Variants in MYT1L observed in about 807,000 individuals in gnomAD.
The protein encoded by MYT1L is myelin transcription factor 1-like protein.
MYT1L carries 12 observed loss-of-function variants against 126.7 expected under a neutral mutation model. That is an observed-to-expected ratio of 0.09 (90% CI 0.06 to 0.15). The LOEUF (loss-of-function observed/expected upper bound fraction) is 0.15. Ranked by LOEUF, MYT1L falls within the 10% of genes least tolerant of loss-of-function variation. The pLI is 1.00. For synonymous variants in MYT1L, 541 were observed against 604.2 expected, an observed-to-expected ratio of 0.90 and a Z score of 1.53; for missense variants, 979 against 1,585.2, an observed-to-expected ratio of 0.62 and a Z score of 6.49.
chr2:1,909,806 C>T (rs1438068932), intron 13 of MYT1L, among the ~76,000 whole-genome samples: 1 of 152,190 alleles, frequency 6.6e-6, no homozygotes, highest in African/African-American at 2.4e-5. Flanking sequence ...AGCTTCCACA[C>T]GTGTGCACAG....
At chr2:2,119,457 A>G (rs1388062535) in intron 3 of MYT1L, among the ~76,000 whole-genome samples, 1 of 152,242 alleles carries the variant, frequency 6.6e-6, no homozygotes, top group Non-Finnish European at 1.5e-5. Context: ...TAATGAATAT[A>G]TTAAAAATTT....
intron 19 of MYT1L, 124 bp downstream of exon 19, chr2:1,851,517 C>G: frequency 2.3e-6 from 2 of 877,984 alleles, no homozygotes; most frequent in East Asian, 4.8e-5. Context: ...CGCTAAGAGT[C>G]TCTAGATCCT....
chr2:1,949,757 T>C (rs574365355), intron 8 of MYT1L, among the ~76,000 whole-genome samples: 125 of 152,240 alleles, frequency 8.2e-4, no homozygotes, highest in African/African-American at 2.8e-3. Flanking sequence ...GGGTGGGAAG[T>C]GTCCTGTGCG....
chr2:2,136,555 T>A (rs972773921), intron 3 of MYT1L, among the ~76,000 whole-genome samples: 7 of 152,246 alleles, frequency 4.6e-5, no homozygotes, highest in Non-Finnish European at 7.3e-5. Flanking sequence ...CGTCCCAGCC[T>A]GTTAGCAGAG....
chr2:1,970,334 C>A (rs1342130724), intron 8 of MYT1L, among the ~76,000 whole-genome samples: 1 of 152,164 alleles, frequency 6.6e-6, no homozygotes, highest in African/African-American at 2.4e-5. Flanking sequence ...AAGTATTTGC[C>A]GTGAGTGCAG....
intron 3 of MYT1L, among the ~76,000 whole-genome samples, chr2:2,137,526 A>G (rs1447922827): frequency 6.6e-6 from 1 of 152,202 alleles, no homozygotes; most frequent in African/African-American, 2.4e-5. Context: ...AGCCCTCAGA[A>G]ATAATGCCAC....
chr2:1,949,494 G>T (rs370353008), intron 8 of MYT1L, among the ~76,000 whole-genome samples: 3 of 152,092 alleles, frequency 2.0e-5, no homozygotes, highest in Middle Eastern at 3.2e-3. Context: ...ACAACTTCCA[G>T]TTTTTTGCAT....
intron 2 of MYT1L, among the ~76,000 whole-genome samples, chr2:2,219,641 C>A (rs1441194909): frequency 6.6e-6 from 1 of 152,212 alleles, no homozygotes; most frequent in African/African-American, 2.4e-5. Context: ...CAGCATTCCA[C>A]AAGTTACTTC....
At chr2:2,271,379 A>G (rs2095260025) in intron 2 of MYT1L, among the ~76,000 whole-genome samples, 1 of 152,334 alleles carries the variant, frequency 6.6e-6, no homozygotes, top group African/African-American at 2.4e-5. Context: ...GTTCACACAC[A>G]TCAGCCATGA....
intron 22 of MYT1L, among the ~76,000 whole-genome samples, chr2:1,807,167 A>G (rs921093382): frequency 6.6e-6 from 1 of 152,184 alleles, no homozygotes; most frequent in Non-Finnish European, 1.5e-5. Context: ...GGAGCCCCAG[A>G]CCTTGAGGAC....
At chr2:2,097,673 C>T (rs780307216) in intron 3 of MYT1L, among the ~76,000 whole-genome samples, 4 of 152,230 alleles carry the variant, frequency 2.6e-5, no homozygotes, top group Non-Finnish European at 5.9e-5. Context: ...AAGTTCACAG[C>T]GATCGAGAGG....
chr2:2,295,709 C>CAG (rs2095674987), intron 1 of MYT1L, among the ~76,000 whole-genome samples: 1 of 67,934 alleles, frequency 1.5e-5, no homozygotes, highest in African/African-American at 5.8e-5. Flanking sequence ...GAGAGACAGA[C>CAG]AGACAGAGAG....
intron 2 of MYT1L, among the ~76,000 whole-genome samples, chr2:2,207,399 C>A (rs62116731): frequency 0.18 from 27,322 of 152,058 alleles, 2,566 homozygotes; most frequent in South Asian, 0.25. Context: ...AAGACAGAAG[C>A]GTCCAGAAAC....
intron 2 of MYT1L, among the ~76,000 whole-genome samples, chr2:2,246,922 G>A (rs754178119): frequency 8.5e-5 from 13 of 152,114 alleles, no homozygotes; most frequent in Non-Finnish European, 1.5e-4. Flanking sequence ...GCTGAGTGTC[G>A]AACTCACTGG....
chr2:1,858,113 C>T (rs1003682751), intron 18 of MYT1L, among the ~76,000 whole-genome samples: 1 of 152,246 alleles, frequency 6.6e-6, no homozygotes, highest in South Asian at 2.1e-4. Flanking sequence ...ATCTGCCCGC[C>T]TTGGCCTCCC....
Position 1,857,358 on chromosome 2 carries a change from G to C in MYT1L, c.2712-5655C>G, listed in dbSNP as rs142060809. Among the ~76,000 whole-genome samples the C allele has an allele frequency of 7.2e-4, 109 of 152,306 alleles. 2 individuals carry two copies. The East Asian group carries it at 0.019, about 27-fold the overall frequency. On this transcript the variant is annotated intron_variant, in intron 18 of 24. Coordinates refer to ENST00000647738, the MANE Select transcript of MYT1L (RefSeq NM_001303052.2). ...TCCCAGAATGTTTCAGCTCTGTCTG[G>C]ATTAATGATCTCTGAGGCTGCCCTC...
intron 9 of MYT1L, 97 bp from the exon 10 acceptor site, chr2:1,923,360 C>T (rs2053816537): frequency 8.1e-6 from 8 of 986,308 alleles, no homozygotes; most frequent in Non-Finnish European, 1.2e-5. Context: ...ACGTTAACTG[C>T]AAGTCAAACC....
At chr2:2,207,766 C>G (rs1450230138) in intron 2 of MYT1L, among the ~76,000 whole-genome samples, 1 of 152,152 alleles carries the variant, frequency 6.6e-6, no homozygotes, top group Non-Finnish European at 1.5e-5. Context: ...CACATTTACA[C>G]AAATCTTCTA....
rs576698127 is a variant in MYT1L at position 2,307,427 on chromosome 2, G to A, written c.-520-22924C>T. On this transcript the variant is annotated intron_variant, in intron 1 of 24. Transcript: ENST00000647738. ...CTCTAAAGTAATGATGGAAGAAATG[G>A]CAGGGATAAAACATTTGGGAGGACA... Among the ~76,000 whole-genome samples, 17 of 152,180 alleles carry A rather than the reference G, an allele frequency of 1.1e-4. No homozygotes were observed. The Middle Eastern group carries it at 0.01, about 91-fold the overall frequency.
Sources: gnomAD v4.1 joint callset for allele counts (sites outside exome capture counted in the v4.1 genomes callset) on GRCh38, gnomAD v4.1.1 for gene constraint, MANE v1.5 for transcripts, NCBI Gene and HGNC (gene_info 2026-07-23, HGNC 2026-07-21) for gene names.